The following IQCM variants were observed in gnomAD, a reference collection of about 807,000 sequenced individuals.
IQCM encodes the protein IQ domain-containing protein M.
IQCM carries 45 observed loss-of-function variants against 57.6 expected under a neutral mutation model. The ratio of observed to expected loss-of-function variants is 0.78; its 90% CI spans 0.62 to 1.00. The LOEUF (loss-of-function observed/expected upper bound fraction) is 1.00. Among genes scored for constraint, IQCM ranks in the 50% least tolerant of loss-of-function variants. The pLI is 0.00. For synonymous variants in IQCM, 148 were observed against 158.9 expected (o/e 0.93, Z 0.51); for missense variants, 468 against 511.6 (o/e 0.91, Z 0.82).
At chr4:149,457,626 T>C (rs571727051) in intron 12 of IQCM, among the ~76,000 whole-genome samples, 14 of 152,164 alleles carry the variant, frequency 9.2e-5, no homozygotes, top group Admixed American at 9.2e-4. Flanking sequence ...AGAGGTTGGT[T>C]AGCTGAAGGA....
intron 2 of IQCM, among the ~76,000 whole-genome samples, chr4:149,760,239 A>T (rs535306738): frequency 6.6e-6 from 1 of 152,260 alleles, no homozygotes; most frequent in South Asian, 2.1e-4. Context: ...AGGAAAAAAG[A>T]CCACAAAGAA....
intron 11 of IQCM, 136 bp downstream of exon 11, chr4:149,553,007 A>G: frequency 5.2e-6 from 3 of 573,192 alleles, no homozygotes; most frequent in Non-Finnish European, 7.8e-6. Context: ...ACAACATGCT[A>G]ACTTAAAATG....
intron 13 of IQCM, among the ~76,000 whole-genome samples, chr4:149,366,902 T>A (rs1239218929): frequency 2.8e-4 from 43 of 152,020 alleles, no homozygotes; most frequent in Non-Finnish European, 1.5e-5. Context: ...TTGAAATAAT[T>A]GCATATTTTG....
intron 12 of IQCM, among the ~76,000 whole-genome samples, chr4:149,547,160 G>T (rs927271086): frequency 6.6e-6 from 1 of 151,964 alleles, no homozygotes; most frequent in African/African-American, 2.4e-5. Flanking sequence ...TGAGGGCTCT[G>T]TTCTGTTCCA....
intron 9 of IQCM, among the ~76,000 whole-genome samples, chr4:149,572,552 A>G (rs1346566444): frequency 6.6e-6 from 1 of 151,946 alleles, no homozygotes; most frequent in Non-Finnish European, 1.5e-5. Flanking sequence ...ATATGTATAT[A>G]TATCAAATTT....
intron 7 of IQCM, among the ~76,000 whole-genome samples, chr4:149,670,556 G>C (rs1011039986): frequency 2.6e-5 from 4 of 152,140 alleles, no homozygotes; most frequent in African/African-American, 9.7e-5. Context: ...TCTTGTGCCA[G>C]TTTTCAAAGG....
intron 2 of IQCM, among the ~76,000 whole-genome samples, chr4:149,775,040 CAAAAAAAA>C (rs35383107): frequency 2.2e-4 from 19 of 87,044 alleles, no homozygotes; most frequent in Admixed American, 3.7e-4. Context: ...TTCTTTTTGC[CAAAAAAAA>C]AAAAAAAAAA....
chr4:149,714,016 CA>C (rs1764782260), intron 5 of IQCM, among the ~76,000 whole-genome samples: 1 of 152,086 alleles, frequency 6.6e-6, no homozygotes, highest in Non-Finnish European at 1.5e-5. Flanking sequence ...AATAGTTATC[CA>C]TATTTATCTA....
intron 13 of IQCM, among the ~76,000 whole-genome samples, chr4:149,386,204 C>T (rs1011064834): frequency 6.6e-6 from 1 of 152,022 alleles, no homozygotes; most frequent in Non-Finnish European, 1.5e-5. Flanking sequence ...ATGACACCTC[C>T]AGATTGAATA....
At position 149,379,471 on chromosome 4, in the gene IQCM, T is replaced by A. The variant is rs1057103091; in HGVS notation, c.1391-27405A>T. On this transcript the variant is annotated intron_variant, in intron 13 of 13. Transcript: ENST00000636793. The stretch of plus-strand genomic sequence containing the variant: ...ACCTCTTGCAACAGCATGACCCAGA[T>A]GTGAGACATAGAGTCAAAGGAGGCC... Among the ~76,000 whole-genome samples the A allele has an allele frequency of 2.0e-5, 3 of 152,296 alleles. No individual in the cohort carries two copies. The South Asian group carries it at 6.2e-4, about 32-fold the overall frequency.
At chr4:149,741,129 T>C (rs1767416632) in intron 3 of IQCM, among the ~76,000 whole-genome samples, 1 of 152,164 alleles carries the variant, frequency 6.6e-6, no homozygotes, top group Admixed American at 6.6e-5. Flanking sequence ...TATCATCTCC[T>C]AAAACACATA....
Position 149,750,992 on chromosome 4 carries a change from T to C in IQCM, c.-48-8253A>G, listed in dbSNP as rs550828949. Among the ~76,000 whole-genome samples, 18 of 152,316 alleles carry C rather than the reference T, an allele frequency of 1.2e-4. No individual in the cohort carries two copies. In the South Asian group the frequency reaches 3.1e-3, roughly 26 times the overall value. On this transcript the variant is annotated intron_variant, in intron 2 of 13. Transcript: ENST00000636793. ...TTTTCTGTTTTCTTTTTTATCTCTA[T>C]AAACTTGTAAAAACTAGCTAATATT...
intron 13 of IQCM, among the ~76,000 whole-genome samples, chr4:149,405,586 C>T (rs996368952): frequency 5.3e-5 from 8 of 151,366 alleles, no homozygotes; most frequent in African/African-American, 1.7e-4. Context: ...TAATAGCTGA[C>T]CCTCAAAGAC....
intron 12 of IQCM, among the ~76,000 whole-genome samples, chr4:149,459,212 C>T (rs926266967): frequency 2.0e-5 from 3 of 152,190 alleles, no homozygotes; most frequent in Non-Finnish European, 2.9e-5. Context: ...AAACAAAACA[C>T]ATACAGGATG....
chr4:149,786,551 A>G (rs1423503529), intron 2 of IQCM, among the ~76,000 whole-genome samples: 1 of 152,228 alleles, frequency 6.6e-6, no homozygotes, highest in African/African-American at 2.4e-5. Context: ...AAAAGAAGAC[A>G]TTTATACAGC....
intron 9 of IQCM, among the ~76,000 whole-genome samples, chr4:149,570,450 T>C (rs945962868): frequency 1.3e-5 from 2 of 152,032 alleles, no homozygotes; most frequent in Admixed American, 6.6e-5. Context: ...AATGGAATGT[T>C]ACAGGAAAAC....
intron 13 of IQCM, among the ~76,000 whole-genome samples, chr4:149,392,814 T>A (rs17624560): frequency 6.6e-6 from 1 of 151,786 alleles, no homozygotes; most frequent in Non-Finnish European, 1.5e-5. Flanking sequence ...AACTTCAAAT[T>A]TTAAATATAT....
At chr4:149,678,866 C>CA (rs1294815839) in intron 7 of IQCM, among the ~76,000 whole-genome samples, 1 of 151,390 alleles carries the variant, frequency 6.6e-6, no homozygotes, top group Non-Finnish European at 1.5e-5. Flanking sequence ...TGGCTTCTAT[C>CA]AAAAAGACAG....
chr4:149,381,033 AG>A (rs1381762414), intron 13 of IQCM, among the ~76,000 whole-genome samples: 1 of 152,272 alleles, frequency 6.6e-6, no homozygotes, highest in East Asian at 1.9e-4. Flanking sequence ...TTTCCCCCAA[AG>A]GTGCTTCATT....
Sources: gnomAD v4.1 joint callset for allele counts (sites outside exome capture counted in the v4.1 genomes callset) on GRCh38, gnomAD v4.1.1 for gene constraint, MANE v1.5 for transcripts, NCBI Gene and HGNC (gene_info 2026-07-23, HGNC 2026-07-21) for gene names.